The following TRIP12 variants were observed in gnomAD, a reference collection of about 807,000 sequenced individuals.
TRIP12 encodes the protein E3 ubiquitin-protein ligase TRIP12.
A neutral mutation model predicts 244.2 loss-of-function variants in TRIP12; 25 were observed. The observed-to-expected ratio is 0.10, with a 90% CI of 0.07 to 0.14. The LOEUF (loss-of-function observed/expected upper bound fraction) is 0.14. TRIP12 is among the 10% of genes least tolerant of loss of function. The pLI is 1.00. For synonymous variants in TRIP12, 905 were observed against 873.1 expected (o/e 1.04, Z -0.64); for missense variants, 1,677 against 2,486.4 (o/e 0.67, Z 6.92).
At chr2:229,828,356 T>C (rs74949812) in intron 8 of TRIP12, among the ~76,000 whole-genome samples, 4 of 149,870 alleles carry the variant, frequency 2.7e-5, no homozygotes, top group East Asian at 2.0e-4. Context: ...TTTTTTTTTT[T>C]CCTTTCCAGG....
chr2:229,905,269 C>G (rs1212968529), intron 1 of TRIP12, among the ~76,000 whole-genome samples: 2 of 144,502 alleles, frequency 1.4e-5, no homozygotes, highest in Admixed American at 6.9e-5. Context: ...AGCAAAACTC[C>G]GTCTCAAAAA....
intron 21 of TRIP12, among the ~76,000 whole-genome samples, chr2:229,800,892 C>CATG (rs1277629205): frequency 1.3e-5 from 2 of 151,938 alleles, no homozygotes; most frequent in African/African-American, 2.4e-5. Flanking sequence ...AGCAAGACCC[C>CATG]ATGCTGTGTC....
chr2:229,818,719 T>G (rs1305256397), intron 8 of TRIP12, among the ~76,000 whole-genome samples: 1 of 152,202 alleles, frequency 6.6e-6, no homozygotes, highest in Non-Finnish European at 1.5e-5. Flanking sequence ...GCTTTCACAG[T>G]TATATACTTC....
At chr2:229,814,068 C>CTT (rs772331068) in intron 12 of TRIP12, 37 bp from the exon 13 acceptor site, 41 of 1,544,446 alleles carry the variant, frequency 2.7e-5, no homozygotes, top group African/African-American at 5.5e-5. Context: ...AAGAAAAATC[C>CTT]TTTATCAGCA....
intron 33 of TRIP12, among the ~76,000 whole-genome samples, chr2:229,787,208 A>G (rs552480522): frequency 6.6e-6 from 1 of 152,348 alleles, no homozygotes; most frequent in South Asian, 2.1e-4. Context: ...TAGAATGAAA[A>G]AAGTTTCAGT....
intron 37 of TRIP12, among the ~76,000 whole-genome samples, chr2:229,774,721 AC>A (rs567119230): frequency 5.7e-4 from 87 of 152,174 alleles, no homozygotes; most frequent in Non-Finnish European, 9.1e-4. Context: ...TTAACTTTCT[AC>A]CCCTGCAAAG....
intron 1 of TRIP12, among the ~76,000 whole-genome samples, chr2:229,907,822 T>C (rs2073249649): frequency 6.6e-6 from 1 of 151,984 alleles, no homozygotes; most frequent in Non-Finnish European, 1.5e-5. Flanking sequence ...AACAAATTAA[T>C]AATAATAATA....
chr2:229,858,067 T>TA (rs929899430), intron 4 of TRIP12, among the ~76,000 whole-genome samples: 46 of 152,222 alleles, frequency 3.0e-4, no homozygotes, highest in African/African-American at 1.0e-3. Flanking sequence ...ATATCTCATA[T>TA]AAAAAAATAT....
intron 33 of TRIP12, among the ~76,000 whole-genome samples, chr2:229,786,126 A>G (rs1420938148): frequency 6.6e-6 from 1 of 152,160 alleles, no homozygotes; most frequent in Non-Finnish European, 1.5e-5. Context: ...GTTGGGGAAG[A>G]AAAAAATCGT....
intron 1 of TRIP12, among the ~76,000 whole-genome samples, chr2:229,891,256 A>C (rs1347398452): frequency 6.6e-6 from 1 of 150,904 alleles, no homozygotes; most frequent in African/African-American, 2.4e-5. Flanking sequence ...CCCCCTCTCT[A>C]CCAAAAAAAA....
chr2:229,800,988 CA>C lies in TRIP12; in HGVS notation c.3206+1263del, dbSNP rs779401632. On this transcript the variant is annotated intron_variant, in intron 21 of 41. Coordinates refer to ENST00000675903, the MANE Select transcript of TRIP12 (RefSeq NM_001348323.3). ...AATACTGCAATTGTCTGAACTGTAT[CA>C]CTCTCTGTAATTTACTGAGTATCTA... 1.1e-4 allele frequency among the ~76,000 whole-genome samples: 17 copies of C among 152,314 alleles called. No homozygotes were observed. In the East Asian group the frequency reaches 1.7e-3, roughly 16 times the overall value.
intron 25 of TRIP12, among the ~76,000 whole-genome samples, chr2:229,795,711 G>A (rs1223815590): frequency 6.6e-6 from 1 of 152,152 alleles, no homozygotes; most frequent in Non-Finnish European, 1.5e-5. Flanking sequence ...AGAAACTGCT[G>A]GGAATTTTAA....
At position 229,803,941 on chromosome 2, in the gene TRIP12, G is replaced by GA. The variant is rs1457488137; in HGVS notation, c.2879+57dup. ...TTCTATTATTACTTTAGAGGTTTCT[G>GA]AAATTACTTGCAGAGATTTGTATTT... On this transcript the variant is annotated intron_variant, in intron 19 of 41. Coordinates refer to ENST00000675903, the MANE Select transcript of TRIP12 (RefSeq NM_001348323.3). 3 of 1,450,276 alleles carry GA rather than the reference G, an allele frequency of 2.1e-6. No homozygotes were observed. In the African/African-American group the frequency reaches 4.3e-5, roughly 21 times the overall value. 89.8% of individuals were successfully genotyped at this position (1,450,276 alleles called of 1,614,324 possible). A position where few individuals can be genotyped will look rare whatever the true frequency, so the allele number is the denominator to read the frequency against.
In TRIP12 at chr2:229,794,537, G is replaced by A. The variant is rs1392756052; in HGVS notation, c.3968+642C>T. Among the ~76,000 whole-genome samples the A allele has an allele frequency of 3.3e-5, 5 of 152,036 alleles. No homozygotes were observed. In the South Asian group the frequency reaches 8.3e-4, roughly 25 times the overall value. On this transcript the variant is annotated intron_variant, in intron 26 of 41. Transcript: ENST00000675903. ...GCCATGTTCACACTAGTGTAATTTGGCTTGGGCAACAAAGTAAGACTCTGT... is the reference window on the plus strand; with the variant it reads ...GCCATGTTCACACTAGTGTAATTTGACTTGGGCAACAAAGTAAGACTCTGT...
intron 36 of TRIP12, among the ~76,000 whole-genome samples, chr2:229,777,717 A>AG (rs2036725133): frequency 6.6e-6 from 1 of 152,248 alleles, no homozygotes; most frequent in Non-Finnish European, 1.5e-5. Flanking sequence ...AAAAATGTTA[A>AG]GGGAAAAAAC....
chr2:229,792,082 A>G lies in TRIP12; in HGVS notation c.4216-17T>C. 7 of 1,614,076 alleles carry G rather than the reference A, an allele frequency of 4.3e-6. No homozygotes were observed. Among genetic ancestry groups the G allele is most frequent in the Non-Finnish European group, 5.9e-6 (7 of 1,179,966 alleles). ...CTGAGCAGCCTGAATAAAGCAAAGC[A>G]AAAGCCATTTAAGCCAAAGGCCCTG... On this transcript the variant is annotated splice_polypyrimidine_tract_variant and intron_variant, in intron 28 of 41. Transcript: ENST00000675903.
At chr2:229,914,746 T>G (rs938944564) in intron 1 of TRIP12, among the ~76,000 whole-genome samples, 1 of 152,168 alleles carries the variant, frequency 6.6e-6, no homozygotes, top group African/African-American at 2.4e-5. Flanking sequence ...AGCCAACAAG[T>G]TGATTAAAAT....
At position 229,807,715 on chromosome 2, in the gene TRIP12, A is replaced by C; in HGVS notation, c.2489T>G (p.Ile830Ser). The change falls in exon 17 of 42, where the codon ATC becomes AGC. Residue 830 changes from isoleucine (I) to serine (S), a missense_variant. Coordinates refer to ENST00000675903, the MANE Select transcript of TRIP12 (RefSeq NM_001348323.3). The stretch of plus-strand genomic sequence containing the variant: ...GTACGATGAAACTACTACCTCAATG[A>C]TCCGGCTGTCAATCCTGTTATATGG... The part of the protein sequence containing the change: ...WHPYNRIDSR[I>S]IEAAHQVGED... 1 of 1,614,172 alleles carries C rather than the reference A, an allele frequency of 6.2e-7. No homozygotes were observed. The highest frequency in any genetic ancestry group is 1.1e-5 in the South Asian group (1 of 91,080).
chr2:229,922,659 G>T, upstream of TRIP12: 2 of 1,590,576 alleles, frequency 1.3e-6, no homozygotes, highest in Non-Finnish European at 1.7e-6. Flanking sequence ...TACCTGGCCC[G>T]GTTGGGGCCC....
Sources: allele counts gnomAD v4.1 joint callset (sites outside exome capture counted in the v4.1 genomes callset), GRCh38; gene constraint gnomAD v4.1.1; transcripts MANE v1.5; gene names NCBI Gene and HGNC (gene_info 2026-07-23, HGNC 2026-07-21).